Variants in TSPAN9 observed in about 807,000 individuals in gnomAD.
The protein encoded by TSPAN9 is tetraspanin 9, also known as tetraspanin-9.
Under a neutral mutation model 31.0 loss-of-function variants are expected in TSPAN9, and 16 were observed. That is an observed-to-expected ratio of 0.52 (90% CI 0.35 to 0.78). The LOEUF is 0.78. Among genes scored for constraint, TSPAN9 ranks in the 30% least tolerant of loss-of-function variants. TSPAN9 has a pLI of 0.01. For missense variants in TSPAN9, 272 were observed against 312.5 expected (o/e 0.87, Z 0.98); for synonymous variants, 145 against 121.6 (o/e 1.19, Z -1.27).
In TSPAN9 at chr12:3,168,005, G is replaced by A. The variant is rs1467823631; in HGVS notation, c.-17-33172G>A. Among the ~76,000 whole-genome samples the A allele has an allele frequency of 6.6e-6, 1 of 152,202 alleles. No homozygotes were observed. The highest frequency in any genetic ancestry group is 1.5e-5 in the Non-Finnish European group (1 of 68,034). On this transcript the variant is annotated intron_variant, in intron 2 of 8. Transcript: ENST00000011898. The surrounding 1 kb of genome is among the most constrained non-coding windows in gnomAD (Gnocchi z 4.0). ...TGTCCTCCTGGGAGGATTGGGGTCA[G>A]TTTGGTTTGCAGGCCTTTGTGGATA...
At chr12:3,278,925 T>C in intron 4 of TSPAN9, 67 bp from the exon 5 acceptor site, 1 of 1,556,562 alleles carries the variant, frequency 6.4e-7, no homozygotes, top group South Asian at 1.1e-5. Flanking sequence ...GTCCCTGCCT[T>C]CCACACCCTC....
At chr12:3,130,546 C>G (rs368422374) in intron 2 of TSPAN9, among the ~76,000 whole-genome samples, 26 of 152,212 alleles carry the variant, frequency 1.7e-4, no homozygotes, top group African/African-American at 6.3e-4. Context: ...GTGACTGCAT[C>G]CAGGTGATAG....
chr12:3,159,303 G>A (rs191445916), intron 2 of TSPAN9, among the ~76,000 whole-genome samples: 20,014 of 151,624 alleles, frequency 0.13, 1,588 homozygotes, highest in Middle Eastern at 0.22. Context: ...GTCTGGGTCC[G>A]TCTCAGTTCC....
intron 2 of TSPAN9, among the ~76,000 whole-genome samples, chr12:3,137,399 G>A (rs1165870288): frequency 2.0e-5 from 3 of 152,110 alleles, no homozygotes; most frequent in Admixed American, 6.5e-5. Context: ...CTGACTCCTC[G>A]CCCTTCCCAG....
At chr12:3,209,968 A>C (rs1425066824) in intron 3 of TSPAN9, among the ~76,000 whole-genome samples, 3 of 72,172 alleles carry the variant, frequency 4.2e-5, no homozygotes, top group Non-Finnish European at 8.8e-5. Flanking sequence ...CAAAAAAAAA[A>C]AAAAAAAAAA....
chr12:3,127,810 T>A (rs1404205497), intron 2 of TSPAN9, among the ~76,000 whole-genome samples: 1 of 152,184 alleles, frequency 6.6e-6, no homozygotes. Flanking sequence ...TTTTAAAAAA[T>A]TCATGGGGTC....
rs538051532 is a variant in TSPAN9, at chr12:3,192,400, C to T, written c.-17-8777C>T. On this transcript the variant is annotated intron_variant, in intron 2 of 8. Coordinates refer to ENST00000011898, the MANE Select transcript of TSPAN9 (RefSeq NM_006675.5). This position sits in a 1 kb window ranked among gnomAD's most constrained non-coding sequence, Gnocchi z 4.6. ...GCCATGAAGCAGGGCTGGACAAGGG[C>T]GGGGACGAGGAGGATGCCAGGTGCA... Among the ~76,000 whole-genome samples the T allele has an allele frequency of 1.7e-3, 264 of 151,898 alleles. No homozygotes were observed. Among genetic ancestry groups the T allele is most frequent in the African/African-American group, 6.2e-3 (258 of 41,416 alleles).
intron 3 of TSPAN9, among the ~76,000 whole-genome samples, chr12:3,251,813 T>C (rs524869): frequency 0.99 from 150,163 of 152,236 alleles, 74,109 homozygotes; most frequent in Middle Eastern, 1. Flanking sequence ...GGGATAGGAG[T>C]GTTATGCTGG....
chr12:3,095,557 C>T (rs1680475178), intron 2 of TSPAN9, among the ~76,000 whole-genome samples: 2 of 128,642 alleles, frequency 1.6e-5, no homozygotes, highest in African/African-American at 5.7e-5. Context: ...AGGGGCTCCT[C>T]ACTTCCCAGT....
At chr12:3,248,303 G>A (rs144405449) in intron 3 of TSPAN9, among the ~76,000 whole-genome samples, 5 of 152,308 alleles carry the variant, frequency 3.3e-5, no homozygotes, top group African/African-American at 1.2e-4. Flanking sequence ...GTCATTCCTT[G>A]TGGGATAGAC....
At chr12:3,217,212 C>G (rs1025538303) in intron 3 of TSPAN9, among the ~76,000 whole-genome samples, 1 of 152,254 alleles carries the variant, frequency 6.6e-6, no homozygotes, top group Non-Finnish European at 1.5e-5. Context: ...CCACCTGCCC[C>G]TGGGCCTCAT....
chr12:3,253,048 C>T (rs1483962259), intron 3 of TSPAN9, among the ~76,000 whole-genome samples: 1 of 152,050 alleles, frequency 6.6e-6, no homozygotes, highest in Admixed American at 6.6e-5. Context: ...TTACTCTCTC[C>T]CACCTGGAAA....
intron 3 of TSPAN9, among the ~76,000 whole-genome samples, chr12:3,269,247 C>T (rs868585245): frequency 1.3e-4 from 3 of 22,378 alleles, no homozygotes; most frequent in African/African-American, 3.3e-4. Flanking sequence ...TGCAGCCTGC[C>T]CTGTGTTCCT....
intron 3 of TSPAN9, among the ~76,000 whole-genome samples, chr12:3,267,256 A>G (rs1271069209): frequency 6.6e-6 from 1 of 152,190 alleles, no homozygotes; most frequent in African/African-American, 2.4e-5. Flanking sequence ...TGCATTTTCC[A>G]AGGAGTTTGA....
At chr12:3,111,977 G>A (rs2098319005) in intron 2 of TSPAN9, among the ~76,000 whole-genome samples, 1 of 152,058 alleles carries the variant, frequency 6.6e-6, no homozygotes, top group Admixed American at 6.6e-5. Flanking sequence ...CTGTAAAGAG[G>A]TAATTTCCTC....
chr12:3,136,527 C>G (rs2098332218), intron 2 of TSPAN9, among the ~76,000 whole-genome samples: 1 of 152,204 alleles, frequency 6.6e-6, no homozygotes, highest in Non-Finnish European at 1.5e-5. Context: ...ATTGCAAAGA[C>G]AGGACACCAA....
intron 3 of TSPAN9, among the ~76,000 whole-genome samples, chr12:3,231,714 G>A (rs756962144): frequency 8.5e-5 from 13 of 152,264 alleles, no homozygotes; most frequent in African/African-American, 2.9e-4. Context: ...GTGGGCGGGC[G>A]GCGCCTTCAG....
chr12:3,220,750 C>G (rs759133362), intron 3 of TSPAN9, among the ~76,000 whole-genome samples: 2 of 150,380 alleles, frequency 1.3e-5, no homozygotes, highest in Non-Finnish European at 3.0e-5. Context: ...CCTGTGCTGC[C>G]GGGGAAGAGT....
intron 2 of TSPAN9, among the ~76,000 whole-genome samples, chr12:3,122,669 C>T (rs7966190): frequency 0.13 from 20,496 of 152,062 alleles, 1,736 homozygotes; most frequent in Middle Eastern, 0.22. Context: ...TTTGAGTCCC[C>T]GCATCTGTCT....
Sources: allele counts gnomAD v4.1 joint callset (sites outside exome capture counted in the v4.1 genomes callset), GRCh38; gene constraint gnomAD v4.1.1; non-coding constraint Gnocchi (gnomAD v3.1); transcripts MANE v1.5; gene names NCBI Gene and HGNC (gene_info 2026-07-23, HGNC 2026-07-21).